Variants in RBBP4 observed in about 807,000 individuals in gnomAD.
RBBP4 encodes the protein RB binding protein 4, chromatin remodeling factor.
In RBBP4, 3 loss-of-function variants were observed where a neutral mutation model predicts 57.2. The observed-to-expected ratio is 0.05, with a 90% CI of 0.02 to 0.14. The LOEUF (loss-of-function observed/expected upper bound fraction) is 0.14. Among genes scored for constraint, RBBP4 ranks in the 10% least tolerant of loss-of-function variants. The pLI is 1.00. For synonymous variants in RBBP4, 151 were observed against 171.5 expected (o/e 0.88, Z 0.93); for missense variants, 107 against 520.6 (o/e 0.21, Z 7.73).
rs745795204 is a variant in RBBP4, at chr1:32,681,890, A to G, written c.*2185A>G. ...AAAGTTGAAAGAAAAAGTTTATAAC[A>G]GTGAACTTCTGAGGTTTAGTTACTG... On this transcript the variant is annotated 3_prime_UTR_variant, in exon 12 of 12. Coordinates refer to ENST00000373493, the MANE Select transcript of RBBP4 (RefSeq NM_005610.3). The G allele has an allele frequency of 3.1e-6, 5 of 1,598,026 alleles. No individual in the cohort carries two copies. In the East Asian group the frequency reaches 8.9e-5, roughly 29 times the overall value.
intron 8 of RBBP4, among the ~76,000 whole-genome samples, chr1:32,670,090 C>T (rs541585334): frequency 6.6e-6 from 1 of 152,154 alleles, no homozygotes; most frequent in Non-Finnish European, 1.5e-5. Context: ...GGTATGGTAG[C>T]TTATGCCTGT....
intron 3 of RBBP4, among the ~76,000 whole-genome samples, chr1:32,660,427 T>TTTTATTTATTTA (rs1648351881): frequency 6.6e-6 from 1 of 150,658 alleles, no homozygotes; most frequent in Non-Finnish European, 1.5e-5. Flanking sequence ...TATTTATTTA[T>TTTTATTTATTTA]TTTTTTTGAG....
intron 3 of RBBP4, among the ~76,000 whole-genome samples, chr1:32,665,911 T>A (rs557334437): frequency 2.0e-5 from 3 of 152,328 alleles, no homozygotes; most frequent in Non-Finnish European, 4.4e-5. Context: ...TCTATTATTC[T>A]TTGATCATTA....
chr1:32,666,401 C>T (rs1648648067), intron 3 of RBBP4, among the ~76,000 whole-genome samples: 1 of 151,266 alleles, frequency 6.6e-6, no homozygotes, highest in Non-Finnish European at 1.5e-5. Flanking sequence ...CTCTGTGACC[C>T]AGGCTGGAGT....
chr1:32,655,376 G>A (rs991990764), intron 2 of RBBP4, among the ~76,000 whole-genome samples: 2 of 149,912 alleles, frequency 1.3e-5, no homozygotes, highest in East Asian at 1.9e-4. Flanking sequence ...ACCCAGATCC[G>A]TTTCCCCCCT....
rs1364076916 is a variant in RBBP4, at chr1:32,679,821, C to T, written c.*116C>T. 5.4e-6 allele frequency: 8 copies of T among 1,472,260 alleles called. No homozygotes were observed. The East Asian group carries it at 2.1e-4, about 38-fold the overall frequency. The allele number at this position is 1,472,260 out of a possible 1,614,324, so 91.2% of individuals were successfully genotyped here. ...CAGCTATCCCTCTATATAATAGGTA[C>T]CACCGATAATGCTATTAGCCCAAAC... On this transcript the variant is annotated 3_prime_UTR_variant, in exon 12 of 12. Transcript: ENST00000373493.
chr1:32,670,401 C>T (rs868646183), intron 8 of RBBP4, among the ~76,000 whole-genome samples: 5 of 152,172 alleles, frequency 3.3e-5, no homozygotes, highest in Admixed American at 6.5e-5. Flanking sequence ...ATTATTGGAA[C>T]GCTAAGCATG....
Position 32,679,993 on chromosome 1 carries a change from T to TA in RBBP4, c.*289dup. ...TATTATGTGTGATTATTTTTCTTCT[T>TA]ATGCTATATCCCCAAGTTTTTCAGA... is the stretch of plus-strand genomic sequence containing the variant. On this transcript the variant is annotated 3_prime_UTR_variant, in exon 12 of 12. Transcript: ENST00000373493. 1.7e-6 allele frequency: 2 copies of TA among 1,171,814 alleles called. No homozygotes were observed. 72.6% of individuals were successfully genotyped at this position (1,171,814 alleles called of 1,614,324 possible).
rs1310316570 is a variant in RBBP4 at position 32,684,544 on chromosome 1, T to G, written c.*4839T>G. Reference sequence around the variant, plus strand: ...TTATGAAACAGGTTCAAAGAAGTTGTGTCTTGGAAAAAAAGTGACAATGCT... The same window carrying G: ...TTATGAAACAGGTTCAAAGAAGTTGGGTCTTGGAAAAAAAGTGACAATGCT... On this transcript the variant is annotated 3_prime_UTR_variant, in exon 12 of 12. Transcript: ENST00000373493. The G allele has an allele frequency of 2.8e-6, 3 of 1,061,182 alleles. No homozygotes were observed. The African/African-American group carries it at 4.8e-5, about 17-fold the overall frequency. 65.7% of individuals were successfully genotyped at this position (1,061,182 alleles called of 1,614,324 possible). A position where few individuals can be genotyped will look rare whatever the true frequency, so the allele number is the denominator to read the frequency against.
intron 2 of RBBP4, among the ~76,000 whole-genome samples, chr1:32,656,942 ATAAAACGTTT>A (rs1027527821): frequency 6.6e-6 from 1 of 152,108 alleles, no homozygotes; most frequent in Non-Finnish European, 1.5e-5. Context: ...ATTTTATTCC[ATAAAACGTTT>A]TACTTTTTCT....
chr1:32,672,032 C>T (rs1648900909), intron 8 of RBBP4, among the ~76,000 whole-genome samples: 1 of 151,800 alleles, frequency 6.6e-6, no homozygotes, highest in Admixed American at 6.6e-5. Context: ...GAGAGTCTGT[C>T]ACCCAGGCTG....
At chr1:32,675,177 T>C (rs1225805611) in intron 11 of RBBP4, among the ~76,000 whole-genome samples, 2 of 151,936 alleles carry the variant, frequency 1.3e-5, no homozygotes, top group Non-Finnish European at 2.9e-5. Flanking sequence ...ATTACAGGCA[T>C]GCGCCACCAC....
chr1:32,667,478 A>G (rs1648704343), intron 3 of RBBP4, among the ~76,000 whole-genome samples: 1 of 151,716 alleles, frequency 6.6e-6, no homozygotes. Flanking sequence ...TGCAATAAAT[A>G]TCAGCGCACC....
At chr1:32,656,059 A>G (rs1455058031) in intron 2 of RBBP4, among the ~76,000 whole-genome samples, 1 of 152,180 alleles carries the variant, frequency 6.6e-6, no homozygotes, top group African/African-American at 2.4e-5. Flanking sequence ...TCAGAACACT[A>G]AATAGTCAGT....
At chr1:32,675,335 G>A (rs988278182) in intron 11 of RBBP4, among the ~76,000 whole-genome samples, 8 of 151,830 alleles carry the variant, frequency 5.3e-5, no homozygotes, top group Admixed American at 2.0e-4. Context: ...CGCGCCTGGC[G>A]TAATAGCACT....
chr1:32,662,243 C>A, intron 3 of RBBP4: 2 of 333,454 alleles, frequency 6.0e-6, no homozygotes, highest in Non-Finnish European at 1.2e-5. Flanking sequence ...CTCTGTCGTC[C>A]AGGCTGAGTG....
chr1:32,662,042 C>A (rs1055015406), intron 3 of RBBP4, among the ~76,000 whole-genome samples: 5 of 151,298 alleles, frequency 3.3e-5, no homozygotes, highest in African/African-American at 1.2e-4. Flanking sequence ...TGTGCCACCA[C>A]ACCCAGCTAA....
chr1:32,651,576 T>G, intron 1 of RBBP4: 1 of 1,030,846 alleles, frequency 9.7e-7, no homozygotes, highest in Non-Finnish European at 1.3e-6. Context: ...CCGATATCGG[T>G]TTCTCGGCCT....
chr1:32,683,737 A>G lies in RBBP4; in HGVS notation c.*4032A>G, dbSNP rs924893274. The G allele has an allele frequency of 5.7e-6, 2 of 347,830 alleles. No homozygotes were observed. Among genetic ancestry groups the G allele is most frequent in the Non-Finnish European group, 1.1e-5 (2 of 185,688 alleles). 21.5% of individuals were successfully genotyped at this position (347,830 alleles called of 1,614,324 possible). On this transcript the variant is annotated 3_prime_UTR_variant, in exon 12 of 12. Coordinates refer to ENST00000373493, the MANE Select transcript of RBBP4 (RefSeq NM_005610.3). ...CAACCTCTGCCTCCTGGTTCAAGCG[A>G]TTCTCCTGCCTTGGCCTCCTGAGTA...
Sources: allele counts gnomAD v4.1 joint callset (sites outside exome capture counted in the v4.1 genomes callset), GRCh38; gene constraint gnomAD v4.1.1; transcripts MANE v1.5; gene names NCBI Gene and HGNC (gene_info 2026-07-23, HGNC 2026-07-21).